PPM1D: variants seen among roughly 807,000 people sequenced by gnomAD.
PPM1D encodes the protein protein phosphatase, Mg2+/Mn2+ dependent 1D.
PPM1D carries 52 observed loss-of-function variants against 58.3 expected under a neutral mutation model. The ratio of observed to expected loss-of-function variants is 0.89; its 90% CI spans 0.71 to 1.12. The LOEUF is 1.12. Among genes scored for constraint, PPM1D ranks in the 50% most tolerant of loss-of-function variants. The probability of loss-of-function intolerance (pLI) is 0.00; values close to 1 mark genes in which losing one functional copy is unlikely to be tolerated. For missense variants in PPM1D, 564 were observed against 777.2 expected (o/e 0.73, Z 3.26); for synonymous variants, 278 against 285.1 (o/e 0.98, Z 0.25).
chr17:60,662,725 C>T (rs964698012), intron 5 of PPM1D, among the ~76,000 whole-genome samples: 2 of 152,142 alleles, frequency 1.3e-5, no homozygotes, highest in Non-Finnish European at 2.9e-5. Context: ...CGTGAATTTT[C>T]ACCCACTTGA....
chr17:60,615,065 T>G (rs1336748376), intron 1 of PPM1D, among the ~76,000 whole-genome samples: 1 of 152,164 alleles, frequency 6.6e-6, no homozygotes, highest in African/African-American at 2.4e-5. Context: ...AATTTATTGG[T>G]TTTTGCCTTT....
At chr17:60,625,955 G>A (rs2030798617) in intron 2 of PPM1D, among the ~76,000 whole-genome samples, 1 of 152,054 alleles carries the variant, frequency 6.6e-6, no homozygotes, top group African/African-American at 2.4e-5. Flanking sequence ...AGGCCACCTC[G>A]TTCCCCTCCA....
Position 60,656,713 on chromosome 17 carries a change from G to C in PPM1D, c.1132G>C (p.Glu378Gln). The change falls in exon 5 of 6, where the codon GAA becomes CAA. Residue 378 changes from glutamate to glutamine, a missense_variant. Physicochemically the swap from Glu to Gln is conservative, Grantham distance 29 (BLOSUM62 2). Around this residue, in one of 7 missense-constraint regions of PPM1D, gnomAD observed 261 missense variants for 270.1 expected, o/e 0.97. Transcript: ENST00000305921. ...TGCCATAGTAATCTGCATCTCTCCAGAAGTGGACAATCAGGGAAACTTTAC... is the reference window on the plus strand; with the variant it reads ...TGCCATAGTAATCTGCATCTCTCCACAAGTGGACAATCAGGGAAACTTTAC... ...TSAIVICISPEVDNQGNFTNE... is the reference protein window; with the variant it reads ...TSAIVICISPQVDNQGNFTNE... 1 of 1,614,182 alleles carries C rather than the reference G, an allele frequency of 6.2e-7. No individual in the cohort carries two copies. Among genetic ancestry groups the C allele is most frequent in the Non-Finnish European group, 8.5e-7 (1 of 1,180,030 alleles).
At chr17:60,619,967 GTTTTT>G (rs370863167) in intron 1 of PPM1D, among the ~76,000 whole-genome samples, 1 of 148,886 alleles carries the variant, frequency 6.7e-6, no homozygotes, top group East Asian at 2.0e-4. Flanking sequence ...CATTTGCCCA[GTTTTT>G]TTTTGTTTTT....
At chr17:60,642,866 AC>A (rs1342561721) in intron 3 of PPM1D, among the ~76,000 whole-genome samples, 1 of 151,672 alleles carries the variant, frequency 6.6e-6, no homozygotes, top group African/African-American at 2.4e-5. Flanking sequence ...GGAGATCCAG[AC>A]CATCCTGGCT....
chr17:60,601,694 G>A (rs146186973), intron 1 of PPM1D, among the ~76,000 whole-genome samples: 1 of 152,272 alleles, frequency 6.6e-6, no homozygotes, highest in East Asian at 1.9e-4. Flanking sequence ...AATAAGAAAA[G>A]GCAAGGAATT....
intron 3 of PPM1D, among the ~76,000 whole-genome samples, chr17:60,642,352 ATTTTTTTTT>A (rs760188816): frequency 8.0e-6 from 1 of 124,874 alleles, no homozygotes; most frequent in Admixed American, 8.2e-5. Context: ...AGAAGAATGG[ATTTTTTTTT>A]TTTTTTTTTT....
chr17:60,608,612 A>C (rs2030382568), intron 1 of PPM1D, among the ~76,000 whole-genome samples: 1 of 151,960 alleles, frequency 6.6e-6, no homozygotes, highest in Non-Finnish European at 1.5e-5. Context: ...AATAAATAAA[A>C]TAATAAAACA....
intron 2 of PPM1D, among the ~76,000 whole-genome samples, chr17:60,631,901 G>T (rs369381676): frequency 6.6e-6 from 1 of 152,060 alleles, no homozygotes; most frequent in Non-Finnish European, 1.5e-5. Context: ...ATTTCAGGCC[G>T]GGCGCGGTGG....
At chr17:60,633,751 G>C in intron 2 of PPM1D, 102 bp from the exon 3 acceptor site, 2 of 1,166,230 alleles carry the variant, frequency 1.7e-6, no homozygotes, top group Non-Finnish European at 2.4e-6. Flanking sequence ...ACATTATTTT[G>C]TAATAATGTA....
At chr17:60,610,500 T>A (rs1020748740) in intron 1 of PPM1D, among the ~76,000 whole-genome samples, 3 of 152,232 alleles carry the variant, frequency 2.0e-5, no homozygotes, top group Admixed American at 1.3e-4. Context: ...ATGTTTGGAA[T>A]ATTTCCGTAC....
At chr17:60,611,124 G>A (rs1375474177) in intron 1 of PPM1D, among the ~76,000 whole-genome samples, 3 of 152,000 alleles carry the variant, frequency 2.0e-5, no homozygotes, top group East Asian at 3.9e-4. Context: ...AGGTTCATGC[G>A]ATCCTCCTGC....
intron 1 of PPM1D, among the ~76,000 whole-genome samples, chr17:60,617,067 C>A (rs1430581312): frequency 1.3e-5 from 2 of 152,064 alleles, no homozygotes; most frequent in Non-Finnish European, 2.9e-5. Flanking sequence ...CCTGCCTCCT[C>A]CTCTGAAGAA....
At position 60,610,083 on chromosome 17, in the gene PPM1D, G is replaced by C. The variant is rs143808958; in HGVS notation, c.472+9197G>C. Among the ~76,000 whole-genome samples the C allele has an allele frequency of 9.3e-4, 142 of 151,930 alleles. 3 individuals carry two copies. In the East Asian group the frequency reaches 0.025, roughly 27 times the overall value. On this transcript the variant is annotated intron_variant, in intron 1 of 5. Transcript: ENST00000305921. ...TAGTCGCAGCTACTCAGGCGGCTGA[G>C]GCAGGGGAATTGCTTGAACCTGGGA... is the stretch of plus-strand genomic sequence containing the variant.
chr17:60,609,817 CTTGTT>C (rs1247946037), intron 1 of PPM1D, among the ~76,000 whole-genome samples: 4 of 152,134 alleles, frequency 2.6e-5, no homozygotes, highest in African/African-American at 9.7e-5. Flanking sequence ...TATTGTTATA[CTTGTT>C]TTATTTTATT....
intron 5 of PPM1D, among the ~76,000 whole-genome samples, chr17:60,661,587 C>T (rs760247669): frequency 5.9e-5 from 9 of 152,050 alleles, no homozygotes; most frequent in African/African-American, 1.7e-4. Flanking sequence ...TGACATGAAG[C>T]GTTGTGAAAA....
chr17:60,621,381 TTTTG>T (rs537109290), intron 1 of PPM1D, among the ~76,000 whole-genome samples: 22 of 145,846 alleles, frequency 1.5e-4, no homozygotes, highest in South Asian at 6.3e-4. Flanking sequence ...TACCTCAGAG[TTTTG>T]TTTGTTTGTT....
chr17:60,625,402 A>G (rs1394911462), intron 2 of PPM1D, among the ~76,000 whole-genome samples: 1 of 152,234 alleles, frequency 6.6e-6, no homozygotes, highest in Admixed American at 6.5e-5. Context: ...ATAGAAAATA[A>G]TATATACCAG....
intron 4 of PPM1D, among the ~76,000 whole-genome samples, chr17:60,649,836 A>G (rs2031311998): frequency 1.3e-5 from 2 of 152,238 alleles, no homozygotes; most frequent in Admixed American, 1.3e-4. Context: ...CAATCCCATT[A>G]GATCATGAGT....
Sources: gnomAD v4.1 joint callset for allele counts (sites outside exome capture counted in the v4.1 genomes callset) on GRCh38, gnomAD v4.1.1 for gene constraint, gnomAD v4.1.1 regional missense constraint, MANE v1.5 for transcripts, NCBI Gene and HGNC (gene_info 2026-07-23, HGNC 2026-07-21) for gene names.